ZNF385D: variants seen among roughly 807,000 people sequenced by gnomAD.
ZNF385D encodes zinc finger protein 385D, also known as zinc finger protein 659.
In ZNF385D, 15 loss-of-function variants were observed where a neutral mutation model predicts 35.8. That is an observed-to-expected ratio of 0.42 (90% confidence interval 0.28 to 0.64). The LOEUF (loss-of-function observed/expected upper bound fraction) is 0.64, where lower values mean the gene tolerates loss of function less well. Ranked by LOEUF, ZNF385D falls within the 30% of genes least tolerant of loss-of-function variation. The pLI, the probability that ZNF385D is intolerant of heterozygous loss-of-function variation, is 0.23. For missense variants in ZNF385D, 474 were observed against 494.6 expected (o/e 0.96, Z 0.39); for synonymous variants, 212 against 186.8 (o/e 1.13, Z -1.10).
At chr3:22,347,104 A>G (rs1178581772) in intron 2 of ZNF385D, among the ~76,000 whole-genome samples, 1 of 152,204 alleles carries the variant, frequency 6.6e-6, no homozygotes, top group Non-Finnish European at 1.5e-5. Flanking sequence ...AGAGAGAGAC[A>G]CATATTTTGC....
chr3:22,144,729 C>T (rs559772751), intron 3 of ZNF385D, among the ~76,000 whole-genome samples: 1 of 151,776 alleles, frequency 6.6e-6, no homozygotes, highest in East Asian at 1.9e-4. Flanking sequence ...ATTATGTGTA[C>T]AATTATTCAA....
At chr3:21,896,201 G>A (rs557149333) in intron 3 of ZNF385D, among the ~76,000 whole-genome samples, 2 of 152,190 alleles carry the variant, frequency 1.3e-5, no homozygotes, top group East Asian at 1.9e-4. Flanking sequence ...AGAAGCTTGG[G>A]ATGCCTGTAA....
chr3:22,027,905 G>T (rs139790191), intron 3 of ZNF385D, among the ~76,000 whole-genome samples: 1 of 152,170 alleles, frequency 6.6e-6, no homozygotes, highest in African/African-American at 2.4e-5. Context: ...ACTATATGCA[G>T]GCACTACCAA....
chr3:22,304,677 ATTTTC>A (rs999746672), intron 2 of ZNF385D, among the ~76,000 whole-genome samples: 5 of 151,984 alleles, frequency 3.3e-5, no homozygotes, highest in African/African-American at 1.2e-4. Flanking sequence ...TACATCTGGT[ATTTTC>A]TTTTCTTAAA....
intron 3 of ZNF385D, among the ~76,000 whole-genome samples, chr3:22,126,798 T>C (rs546337483): frequency 2.0e-5 from 3 of 152,282 alleles, no homozygotes; most frequent in African/African-American, 4.8e-5. Flanking sequence ...TTCCAACTAT[T>C]ATTGTATCTC....
intron 3 of ZNF385D, among the ~76,000 whole-genome samples, chr3:22,105,417 A>C (rs528099599): frequency 3.2e-4 from 49 of 152,216 alleles, no homozygotes; most frequent in Non-Finnish European, 6.0e-4. Flanking sequence ...ACATATATAC[A>C]TGTACATATA....
intron 2 of ZNF385D, among the ~76,000 whole-genome samples, chr3:22,201,490 G>A (rs1696796861): frequency 6.6e-6 from 1 of 152,006 alleles, no homozygotes; most frequent in Non-Finnish European, 1.5e-5. Flanking sequence ...ATGAGCACTT[G>A]TTTAGAGAAA....
At chr3:21,971,930 C>A (rs1290569535) in intron 3 of ZNF385D, among the ~76,000 whole-genome samples, 2 of 151,884 alleles carry the variant, frequency 1.3e-5, no homozygotes, top group South Asian at 2.1e-4. Context: ...TATATATGCA[C>A]CCAACACTGG....
intron 3 of ZNF385D, among the ~76,000 whole-genome samples, chr3:21,960,757 A>G (rs1202894798): frequency 6.6e-6 from 1 of 152,176 alleles, no homozygotes; most frequent in East Asian, 1.9e-4. Flanking sequence ...CTATCCAGCC[A>G]TAAAAAGAAT....
intron 1 of ZNF385D, among the ~76,000 whole-genome samples, chr3:21,667,175 T>TTTTGAGA (rs2066432866): frequency 6.6e-6 from 1 of 152,216 alleles, no homozygotes; most frequent in Admixed American, 6.5e-5. Flanking sequence ...TTGTTGTTGC[T>TTTTGAGA]TTTGAGACAG....
intron 2 of ZNF385D, among the ~76,000 whole-genome samples, chr3:22,339,848 C>T (rs114738843): frequency 0.01 from 1,579 of 152,234 alleles, 24 homozygotes; most frequent in African/African-American, 0.036. Flanking sequence ...TGATCGACAT[C>T]CGCTTTAAAA....
chr3:22,233,972 C>A (rs1010741050), intron 2 of ZNF385D, among the ~76,000 whole-genome samples: 1 of 152,002 alleles, frequency 6.6e-6, no homozygotes, highest in Non-Finnish European at 1.5e-5. Context: ...AATCTGCAAC[C>A]CAGAGTTCTA....
rs564592723 is a variant in ZNF385D at position 22,178,332 on chromosome 3, C to T, written c.107-9297G>A. On this transcript the variant is annotated intron_variant, in intron 2 of 5. Coordinates refer to the ZNF385D transcript ENST00000494108. ...GTTTTGATTTGCATTTCTCTGATGG[C>T]CAGTGATGATAAGCATTTTTTCATG... Among the ~76,000 whole-genome samples the T allele has an allele frequency of 2.0e-5, 3 of 152,278 alleles. No individual in the cohort carries two copies. The South Asian group carries it at 6.2e-4, about 32-fold the overall frequency.
chr3:21,477,639 C>T, intron 4 of ZNF385D, among the ~76,000 whole-genome samples: 1 of 152,088 alleles, frequency 6.6e-6, no homozygotes. Context: ...TGCTGGTGGA[C>T]CTCCATCCTC....
chr3:22,147,300 G>T (rs186046138), intron 3 of ZNF385D, among the ~76,000 whole-genome samples: 1 of 152,132 alleles, frequency 6.6e-6, no homozygotes, highest in African/African-American at 2.4e-5. Flanking sequence ...GGAGGTTTGT[G>T]GGGGATTGAT....
chr3:21,614,121 T>A (rs1174460482), intron 2 of ZNF385D, among the ~76,000 whole-genome samples: 1 of 152,332 alleles, frequency 6.6e-6, no homozygotes, highest in Non-Finnish European at 1.5e-5. Flanking sequence ...TACCACAGAC[T>A]GGGTGGCTTT....
intron 3 of ZNF385D, among the ~76,000 whole-genome samples, chr3:21,532,856 G>A (rs1275703518): frequency 1.6e-4 from 24 of 152,066 alleles, no homozygotes; most frequent in Admixed American, 1.6e-3. Flanking sequence ...ACTTAAGGTA[G>A]TAAATCAAAG....
intron 2 of ZNF385D, among the ~76,000 whole-genome samples, chr3:22,172,716 A>G (rs892940864): frequency 2.0e-5 from 3 of 152,306 alleles, no homozygotes; most frequent in Middle Eastern, 6.8e-3. Context: ...GCAATAATCA[A>G]AGCAACATAT....
chr3:22,332,920 G>C (rs1414381478), intron 2 of ZNF385D, among the ~76,000 whole-genome samples: 1 of 148,270 alleles, frequency 6.7e-6, no homozygotes, highest in Non-Finnish European at 1.5e-5. Context: ...TTTTTTTCCT[G>C]GTGTTTTAAC....
Sources: allele counts gnomAD v4.1 joint callset (sites outside exome capture counted in the v4.1 genomes callset), GRCh38; gene constraint gnomAD v4.1.1; transcripts MANE v1.5; gene names NCBI Gene and HGNC (gene_info 2026-07-23, HGNC 2026-07-21).